FRMD3: variants seen among roughly 807,000 people sequenced by gnomAD.
The protein encoded by FRMD3 is FERM domain-containing protein 3.
Under a neutral mutation model 70.2 loss-of-function variants are expected in FRMD3, and 33 were observed. The ratio of observed to expected loss-of-function variants is 0.47; its 90% CI spans 0.36 to 0.63. The LOEUF (loss-of-function observed/expected upper bound fraction) is 0.63, where lower values mean the gene tolerates loss of function less well. FRMD3 is among the 20% of genes least tolerant of loss of function. The probability of loss-of-function intolerance (pLI) is 0.00; values close to 1 mark genes in which losing one functional copy is unlikely to be tolerated. For missense variants in FRMD3, 632 were observed against 711.4 expected (o/e 0.89, Z 1.27); for synonymous variants, 279 against 255.9 (o/e 1.09, Z -0.86).
chr9:83,245,915 T>A lies in FRMD3; in HGVS notation c.*2003A>T. On this transcript the variant is annotated 3_prime_UTR_variant, in exon 14 of 14. Transcript: ENST00000304195. ...GAGGATTCCAATCACAGAAAATATA[T>A]TCCTAAATCAGTATCAACTTTCAGG... The A allele has an allele frequency of 1.0e-6, 1 of 982,044 alleles. No homozygotes were observed. Among genetic ancestry groups the A allele is most frequent in the South Asian group, 4.7e-5 (1 of 21,206 alleles). 60.8% of individuals were successfully genotyped at this position (982,044 alleles called of 1,614,324 possible).
intron 1 of FRMD3, among the ~76,000 whole-genome samples, chr9:83,509,138 G>T (rs1564110043): frequency 6.6e-6 from 1 of 152,102 alleles, no homozygotes; most frequent in African/African-American, 2.4e-5. Context: ...ATTTCTGTGT[G>T]TTTTTTCCGT....
chr9:83,460,337 AT>A (rs1827934418), intron 1 of FRMD3, among the ~76,000 whole-genome samples: 1 of 152,134 alleles, frequency 6.6e-6, no homozygotes, highest in Non-Finnish European at 1.5e-5. Flanking sequence ...TGCCAATCTA[AT>A]ACTAATCCCT....
chr9:83,425,924 A>AC (rs1554703574), intron 1 of FRMD3, among the ~76,000 whole-genome samples: 10 of 151,092 alleles, frequency 6.6e-5, no homozygotes, highest in African/African-American at 2.2e-4. Flanking sequence ...AAAAAAAAAA[A>AC]AAAACAACCT....
the FRMD3 span, among the ~76,000 whole-genome samples, chr9:83,546,932 GA>G: frequency 4.5e-3 from 562 of 125,734 alleles, 5 homozygotes; most frequent in African/African-American, 0.016. Flanking sequence ...ATGGATTTTT[GA>G]AAAAAAAGAT....
chr9:83,353,222 C>T (rs941985902), intron 3 of FRMD3, among the ~76,000 whole-genome samples: 1 of 149,696 alleles, frequency 6.7e-6, no homozygotes, highest in African/African-American at 2.5e-5. Flanking sequence ...GTGCCAGAGA[C>T]CTGAACTGAT....
intron 1 of FRMD3, among the ~76,000 whole-genome samples, chr9:83,458,193 T>A (rs181966518): frequency 2.6e-5 from 4 of 152,298 alleles, no homozygotes; most frequent in South Asian, 4.1e-4. Context: ...GATTAATAGA[T>A]GATAAGTGGC....
At chr9:83,299,232 C>CTA in intron 10 of FRMD3, 46 bp from the exon 11 acceptor site, 1 of 1,239,904 alleles carries the variant, frequency 8.1e-7, no homozygotes, top group Non-Finnish European at 1.2e-6. Flanking sequence ...TTGGAAAGTC[C>CTA]ACTTACAACA....
At position 83,349,750 on chromosome 9, in the gene FRMD3, T is replaced by G. The variant is rs1391065620; in HGVS notation, c.303A>C (p.Pro101=). 1 of 1,609,656 alleles carries G rather than the reference T, an allele frequency of 6.2e-7. No homozygotes were observed. The highest frequency in any genetic ancestry group is 8.5e-7 in the Non-Finnish European group (1 of 1,176,880). Reference sequence around the variant, plus strand: ...TCACTCTAAAGCACATGGTGTATGGTGGATGAGCTGAAACATCATAAAGAA... The same window carrying G: ...TCACTCTAAAGCACATGGTGTATGGGGGATGAGCTGAAACATCATAAAGAA... ...KSIFKQMKTH[P]PYTMCFRVKF... is the part of the protein sequence containing the mutation. Residue 101 remains proline, a synonymous_variant, in exon 4 of 14, where the codon CCA becomes CCC. Coordinates refer to ENST00000304195, the MANE Select transcript of FRMD3 (RefSeq NM_174938.6).
chr9:83,389,278 G>C (rs748312776), intron 2 of FRMD3, among the ~76,000 whole-genome samples: 1 of 152,108 alleles, frequency 6.6e-6, no homozygotes, highest in Non-Finnish European at 1.5e-5. Context: ...GTGGGGTTGA[G>C]CAGGGGTGAT....
In FRMD3 at chr9:83,247,687, AT is replaced by A; in HGVS notation, c.*230del. On this transcript the variant is annotated 3_prime_UTR_variant, in exon 14 of 14. Coordinates refer to ENST00000304195, the MANE Select transcript of FRMD3 (RefSeq NM_174938.6). The stretch of plus-strand genomic sequence containing the variant: ...CTACACTATAATAAAAAATAAACAT[AT>A]TTTTGGTTATTTAAAGACCATCTTC... 3 of 1,294,744 alleles carry A rather than the reference AT, an allele frequency of 2.3e-6. No individual in the cohort carries two copies. Among genetic ancestry groups the A allele is most frequent in the Non-Finnish European group, 3.0e-6 (3 of 1,004,266 alleles). 80.2% of individuals were successfully genotyped at this position (1,294,744 alleles called of 1,614,324 possible).
chr9:83,370,463 T>TA lies in FRMD3; in HGVS notation c.295+2449dup, dbSNP rs1348704354. Among the ~76,000 whole-genome samples, 3 of 152,214 alleles carry TA rather than the reference T, an allele frequency of 2.0e-5. No individual in the cohort carries two copies. The East Asian group carries it at 5.8e-4, about 29-fold the overall frequency. ...AATACAACAGGGATTGGGTGGTGGG[T>TA]AAGACCCTTGCAGTCCTAGAATCAG... On this transcript the variant is annotated intron_variant, in intron 3 of 13. Coordinates refer to ENST00000304195, the MANE Select transcript of FRMD3 (RefSeq NM_174938.6).
At chr9:83,572,770 C>T in the FRMD3 span, among the ~76,000 whole-genome samples, 51 of 152,238 alleles carry the variant, frequency 3.4e-4, no homozygotes, top group African/African-American at 1.2e-3. Context: ...GATGTGGTTT[C>T]TCAGGGAAAG....
chr9:83,284,490 C>T (rs572115054), intron 13 of FRMD3, among the ~76,000 whole-genome samples: 1 of 152,256 alleles, frequency 6.6e-6, no homozygotes, highest in African/African-American at 2.4e-5. Context: ...TGCCTGTAGA[C>T]CCAGCTACTT....
chr9:83,373,865 A>ACCGT (rs774242922), intron 2 of FRMD3, among the ~76,000 whole-genome samples: 26 of 152,228 alleles, frequency 1.7e-4, no homozygotes, highest in Non-Finnish European at 3.8e-4. Flanking sequence ...GAGCAAATTT[A>ACCGT]CCGTCCATTG....
intron 1 of FRMD3, among the ~76,000 whole-genome samples, chr9:83,470,304 G>A (rs1828238730): frequency 6.6e-6 from 1 of 152,110 alleles, no homozygotes; most frequent in South Asian, 2.1e-4. Context: ...TAGAGAGGGG[G>A]CGATGGCTTA....
In FRMD3 at chr9:83,537,484, C is replaced by CT. The variant is rs1481436265; in HGVS notation, c.147+600dup. 6.6e-6 allele frequency among the ~76,000 whole-genome samples: 1 copy of CT among 152,218 alleles called. No homozygotes were observed. Among genetic ancestry groups the CT allele is most frequent in the East Asian group, 1.9e-4 (1 of 5,176 alleles). On this transcript the variant is annotated intron_variant, in intron 1 of 13. Transcript: ENST00000304195. The surrounding 1 kb of genome is among the most constrained non-coding windows in gnomAD (Gnocchi z 4.1). ...GCAGCGCGCGCTCCATCCCTCAAGGCTGGCGCCCAGGGCAGCCCGGCCTCT... is the reference window on the plus strand; with the variant it reads ...GCAGCGCGCGCTCCATCCCTCAAGGCTTGGCGCCCAGGGCAGCCCGGCCTCT...
intron 2 of FRMD3, among the ~76,000 whole-genome samples, chr9:83,377,509 T>A (rs749905764): frequency 5.3e-5 from 8 of 152,128 alleles, no homozygotes; most frequent in Non-Finnish European, 8.8e-5. Context: ...GGGGAGTGAT[T>A]GGATCACAGG....
chr9:83,407,374 G>T lies in FRMD3; in HGVS notation c.148-17666C>A. ...TGGCCAACCCCAACAAGGATATAAT[G>T]GTGGAATTGCATACTACTAGAAGTC... On this transcript the variant is annotated intron_variant, in intron 1 of 13. Transcript: ENST00000304195. Among the ~76,000 whole-genome samples, 2 of 152,128 alleles carry T rather than the reference G, an allele frequency of 1.3e-5. 1 individual carries two copies. The highest frequency in any genetic ancestry group is 2.9e-5 in the Non-Finnish European group (2 of 68,022).
chr9:83,277,896 G>A (rs1833843973), intron 13 of FRMD3, among the ~76,000 whole-genome samples: 1 of 152,150 alleles, frequency 6.6e-6, no homozygotes, highest in Non-Finnish European at 1.5e-5. Flanking sequence ...GAATAGTGAG[G>A]GAAACAAGGT....
Sources: gnomAD v4.1 joint callset for allele counts (sites outside exome capture counted in the v4.1 genomes callset) on GRCh38, gnomAD v4.1.1 for gene constraint, Gnocchi (gnomAD v3.1) non-coding constraint, MANE v1.5 for transcripts, NCBI Gene and HGNC (gene_info 2026-07-23, HGNC 2026-07-21) for gene names.